Variants in VAV2 observed in about 807,000 individuals in gnomAD.
VAV2 encodes vav guanine nucleotide exchange factor 2.
A neutral mutation model predicts 132.5 loss-of-function variants in VAV2; 67 were observed. That is an observed-to-expected ratio of 0.51 (90% CI 0.42 to 0.62). VAV2 has a LOEUF of 0.62. Among genes scored for constraint, VAV2 ranks in the 20% least tolerant of loss-of-function variants. The pLI, the probability that VAV2 is intolerant of heterozygous loss-of-function variation, is 0.00. For synonymous variants in VAV2, 492 were observed against 443.5 expected (o/e 1.11, Z -1.37); for missense variants, 938 against 1,153.6 (o/e 0.81, Z 2.71).
chr9:133,983,918 T>C (rs1468966497), intron 1 of VAV2, among the ~76,000 whole-genome samples: 3 of 152,164 alleles, frequency 2.0e-5, no homozygotes, highest in African/African-American at 7.2e-5. Context: ...ATATTTTTCC[T>C]AATCTCCCTC....
Position 133,779,931 on chromosome 9 carries a change from G to A in VAV2, c.1749C>T (p.Ser583=), listed in dbSNP as rs770363069. Residue 583 remains serine, a synonymous_variant, in exon 21 of 30, where the codon TCC becomes TCT. Coordinates refer to ENST00000371850, the MANE Select transcript of VAV2 (RefSeq NM_001134398.2). ...KFTSPADLDA[S]GAGPGPKMVA... is the part of the protein sequence containing the mutation. ...CAGAAGACTCACCTGGTCCCGCTCC[G>A]GAGGCGTCCTGTGAGGACAAGGACA... 1.2e-5 allele frequency: 19 copies of A among 1,612,396 alleles called. No individual in the cohort carries two copies. The highest frequency in any genetic ancestry group is 1.7e-4 in the Middle Eastern group (1 of 6,060).
chr9:133,779,187 C>T lies in VAV2; in HGVS notation c.1763-298G>A, dbSNP rs188395977. Among the ~76,000 whole-genome samples, 955 of 152,368 alleles carry T rather than the reference C, an allele frequency of 6.3e-3. 3 individuals are homozygous for T. Among genetic ancestry groups the T allele is most frequent in the Non-Finnish European group, 1.0e-2 (680 of 68,038 alleles). ...GATCTGTGGCCCACAGGCAGCTGTGCGGGGCAGAAGACGGGGGATCCCTCG... is the reference window on the plus strand; with the variant it reads ...GATCTGTGGCCCACAGGCAGCTGTGTGGGGCAGAAGACGGGGGATCCCTCG... On this transcript the variant is annotated intron_variant, in intron 21 of 29. Coordinates refer to ENST00000371850, the MANE Select transcript of VAV2 (RefSeq NM_001134398.2).
At position 133,816,607 on chromosome 9, in the gene VAV2, C is replaced by T. The variant is rs1019032542; in HGVS notation, c.450-4391G>A. On this transcript the variant is annotated intron_variant, in intron 4 of 29. Transcript: ENST00000371850. ...TTCGAGCAGGGCATGGTGGCTCATG[C>T]CTGTCGTCCCAGCTACTAAGGAGGC... Among the ~76,000 whole-genome samples the T allele has an allele frequency of 3.3e-5, 5 of 152,284 alleles. No homozygotes were observed. In the East Asian group the frequency reaches 5.8e-4, roughly 18 times the overall value.
chr9:133,929,356 G>A (rs1840594703), intron 2 of VAV2, among the ~76,000 whole-genome samples: 1 of 152,142 alleles, frequency 6.6e-6, no homozygotes, highest in Admixed American at 6.5e-5. Context: ...AGTCCAGGGT[G>A]ACAAACTGGG....
chr9:133,839,302 CAGAT>C (rs1397304011), intron 3 of VAV2, among the ~76,000 whole-genome samples: 6 of 150,512 alleles, frequency 4.0e-5, no homozygotes, highest in Admixed American at 6.6e-5. Context: ...GGCTGACAGA[CAGAT>C]GGATGAGTGG....
At position 133,834,208 on chromosome 9, in the gene VAV2, A is replaced by G; in HGVS notation, c.449+64T>C. ...GCCATGTTTCCTCCTGACTCCCTGGACACCACCAGGAACCTCCCTGCCCCT... is the reference window on the plus strand; with the variant it reads ...GCCATGTTTCCTCCTGACTCCCTGGGCACCACCAGGAACCTCCCTGCCCCT... On this transcript the variant is annotated intron_variant, in intron 4 of 29. Transcript: ENST00000371850. The surrounding 1 kb of genome is among the most constrained non-coding windows in gnomAD (Gnocchi z 5.9). 6.5e-7 allele frequency: 1 copy of G among 1,540,566 alleles called. No individual in the cohort carries two copies. The highest frequency in any genetic ancestry group is 8.8e-7 in the Non-Finnish European group (1 of 1,135,140).
chr9:133,989,519 C>CAA (rs766612017), intron 1 of VAV2, among the ~76,000 whole-genome samples: 10 of 75,764 alleles, frequency 1.3e-4, no homozygotes, highest in African/African-American at 2.5e-4. Context: ...GACTCTATCT[C>CAA]AAAAAAAAAA....
At chr9:133,795,166 G>A (rs1834657135) in intron 12 of VAV2, among the ~76,000 whole-genome samples, 1 of 152,244 alleles carries the variant, frequency 6.6e-6, no homozygotes, top group African/African-American at 2.4e-5. Context: ...AGCCACGGAA[G>A]GTTTCTGAGC....
chr9:133,971,412 A>G (rs1241959581), intron 1 of VAV2, among the ~76,000 whole-genome samples: 1 of 151,618 alleles, frequency 6.6e-6, no homozygotes, highest in Non-Finnish European at 1.5e-5. Context: ...TACGCCAATG[A>G]CTCTCTAGCC....
chr9:133,789,855 CAG>C (rs987398864), intron 13 of VAV2, among the ~76,000 whole-genome samples: 1 of 152,256 alleles, frequency 6.6e-6, no homozygotes, highest in Non-Finnish European at 1.5e-5. Context: ...TCTTCTGATT[CAG>C]AGAGAGCTTC....
At chr9:133,938,396 C>T (rs117536903) in intron 2 of VAV2, among the ~76,000 whole-genome samples, 1 of 152,150 alleles carries the variant, frequency 6.6e-6, no homozygotes, top group African/African-American at 2.4e-5. Context: ...AGGCAGGTGG[C>T]CCCTGCGTCC....
rs1834334707 is a variant in VAV2, at chr9:133,788,706, C to T, written c.1275-220G>A. ...CTTCCTTGGCTCCCTACCCCCGTGA[C>T]TGAGGCTGTGCCAGGAGCCCTTCAA... On this transcript the variant is annotated intron_variant, in intron 14 of 29. Coordinates refer to ENST00000371850, the MANE Select transcript of VAV2 (RefSeq NM_001134398.2). The surrounding 1 kb of genome is among the most constrained non-coding windows in gnomAD (Gnocchi z 5.3). Among the ~76,000 whole-genome samples, 1 of 152,134 alleles carries T rather than the reference C, an allele frequency of 6.6e-6. No individual in the cohort carries two copies. Among genetic ancestry groups the T allele is most frequent in the African/African-American group, 2.4e-5 (1 of 41,434 alleles).
chr9:133,916,875 T>C (rs1420628947), intron 2 of VAV2, among the ~76,000 whole-genome samples: 1 of 152,182 alleles, frequency 6.6e-6, no homozygotes, highest in Non-Finnish European at 1.5e-5. Context: ...GGCTCTGCCA[T>C]TGTCTGTGTG....
At chr9:133,854,085 ACCC>A (rs570407001) in intron 3 of VAV2, among the ~76,000 whole-genome samples, 40 of 149,914 alleles carry the variant, frequency 2.7e-4, no homozygotes, top group South Asian at 1.9e-3. Flanking sequence ...CTGCACATAC[ACCC>A]CCATCTGCAC....
At chr9:133,942,533 T>A (rs2789850) in intron 1 of VAV2, among the ~76,000 whole-genome samples, 2 of 152,204 alleles carry the variant, frequency 1.3e-5, no homozygotes, top group African/African-American at 4.8e-5. Flanking sequence ...CGCGGCTGCA[T>A]GTGCTGCAGC....
chr9:133,990,418 G>A (rs919899445), intron 1 of VAV2, among the ~76,000 whole-genome samples: 1 of 152,110 alleles, frequency 6.6e-6, no homozygotes, highest in African/African-American at 2.4e-5. Context: ...CCACAGCCAC[G>A]GCCCCCTCCT....
rs573359262 is a variant in VAV2 at position 133,883,773 on chromosome 9, A to C, written c.322-22341T>G. On this transcript the variant is annotated intron_variant, in intron 2 of 29. Transcript: ENST00000371850. The surrounding 1 kb of genome is among the most constrained non-coding windows in gnomAD (Gnocchi z 4.2). ...AGAAGCCCTCCCGGGATCCAGTGCCACTGTGAGGCTCAAGTACACCCCAAA... is the reference window on the plus strand; with the variant it reads ...AGAAGCCCTCCCGGGATCCAGTGCCCCTGTGAGGCTCAAGTACACCCCAAA... Among the ~76,000 whole-genome samples the C allele has an allele frequency of 2.6e-5, 4 of 152,324 alleles. No individual in the cohort carries two copies. The South Asian group carries it at 8.3e-4, about 32-fold the overall frequency.
At chr9:133,960,888 G>A (rs934675906) in intron 1 of VAV2, among the ~76,000 whole-genome samples, 2 of 152,224 alleles carry the variant, frequency 1.3e-5, no homozygotes, top group South Asian at 2.1e-4. Context: ...CAGAGCCAAC[G>A]GGGCAGGAGG....
intron 2 of VAV2, among the ~76,000 whole-genome samples, chr9:133,898,455 G>A (rs551189370): frequency 8.4e-4 from 128 of 151,722 alleles, no homozygotes; most frequent in African/African-American, 2.9e-3. Context: ...TCAGCCAGGC[G>A]TGGTGGCAGG....
Sources: allele counts gnomAD v4.1 joint callset (sites outside exome capture counted in the v4.1 genomes callset), GRCh38; gene constraint gnomAD v4.1.1; non-coding constraint Gnocchi (gnomAD v3.1); transcripts MANE v1.5; gene names NCBI Gene and HGNC (gene_info 2026-07-23, HGNC 2026-07-21).